SPATA16: variants seen among roughly 807,000 people sequenced by gnomAD.
The protein encoded by SPATA16 is spermatogenesis associated 16, also known as spermatogenesis-associated protein 16.
In SPATA16, 36 loss-of-function variants were observed where a neutral mutation model predicts 63.3. The ratio of observed to expected loss-of-function variants is 0.57; its 90% confidence interval spans 0.44 to 0.75. The LOEUF (loss-of-function observed/expected upper bound fraction) is 0.75, where lower values mean the gene tolerates loss of function less well. Ranked by LOEUF, SPATA16 falls within the 30% of genes least tolerant of loss-of-function variation. The pLI is 0.00. For missense variants in SPATA16, 646 were observed against 679.3 expected (o/e 0.95, Z 0.54); for synonymous variants, 203 against 216.7 (o/e 0.94, Z 0.56).
intron 4 of SPATA16, among the ~76,000 whole-genome samples, chr3:172,992,712 A>G (rs1734607535): frequency 6.6e-6 from 1 of 152,140 alleles, no homozygotes; most frequent in Non-Finnish European, 1.5e-5. Flanking sequence ...TGCCCTGGGC[A>G]TGATCAAAGA....
chr3:172,999,041 C>T (rs546072346), intron 4 of SPATA16, among the ~76,000 whole-genome samples: 12 of 151,902 alleles, frequency 7.9e-5, no homozygotes, highest in South Asian at 4.2e-4. Context: ...ATTAGGATGA[C>T]GACAGCCTCA....
At chr3:172,891,747 C>G (rs144204751) in intron 10 of SPATA16, among the ~76,000 whole-genome samples, 189 of 152,208 alleles carry the variant, frequency 1.2e-3, no homozygotes, top group African/African-American at 4.5e-3. Context: ...TATGCCCCCT[C>G]GATCTTCCTA....
intron 6 of SPATA16, among the ~76,000 whole-genome samples, chr3:172,927,801 ACTCT>A (rs540135253): frequency 9.9e-5 from 15 of 152,144 alleles, no homozygotes; most frequent in South Asian, 2.1e-4. Flanking sequence ...GCCAGTAAAC[ACTCT>A]CTATCTAGAA....
intron 2 of SPATA16, 73 bp from the exon 3 acceptor site, chr3:173,049,167 G>A (rs1354814098): frequency 3.4e-6 from 5 of 1,467,176 alleles, no homozygotes; most frequent in African/African-American, 1.4e-5. Context: ...AGCAAAACAT[G>A]TGTATGTTTT....
chr3:172,912,485 C>T (rs1447114237), intron 10 of SPATA16, among the ~76,000 whole-genome samples: 1 of 151,986 alleles, frequency 6.6e-6, no homozygotes, highest in Non-Finnish European at 1.5e-5. Context: ...TCTTGAGCAA[C>T]ATGGGTTTGA....
chr3:172,979,433 A>G (rs1734247189), intron 4 of SPATA16, among the ~76,000 whole-genome samples: 1 of 152,222 alleles, frequency 6.6e-6, no homozygotes, highest in Non-Finnish European at 1.5e-5. Context: ...GATCATAGAC[A>G]CAGTGGCTTG....
intron 8 of SPATA16, among the ~76,000 whole-genome samples, chr3:172,922,756 A>G (rs1732639831): frequency 6.6e-6 from 1 of 152,150 alleles, no homozygotes; most frequent in Non-Finnish European, 1.5e-5. Flanking sequence ...CCCTGTCTCT[A>G]CTAAAAATAC....
At chr3:172,942,223 A>T (rs1733168427) in intron 6 of SPATA16, among the ~76,000 whole-genome samples, 1 of 152,166 alleles carries the variant, frequency 6.6e-6, no homozygotes, top group Non-Finnish European at 1.5e-5. Flanking sequence ...TCAATCAATC[A>T]ACTCAGGAAT....
chr3:173,107,654 G>T (rs1373340371), intron 2 of SPATA16, among the ~76,000 whole-genome samples: 2 of 152,092 alleles, frequency 1.3e-5, no homozygotes, highest in African/African-American at 4.8e-5. Context: ...AAAAGCAATT[G>T]CAACTTCACT....
intron 10 of SPATA16, among the ~76,000 whole-genome samples, chr3:172,904,664 C>A (rs1372659102): frequency 6.6e-6 from 1 of 152,176 alleles, no homozygotes; most frequent in African/African-American, 2.4e-5. Context: ...ACCTATTAAC[C>A]TTATACTTTT....
chr3:173,099,091 A>G (rs114784716), intron 2 of SPATA16, among the ~76,000 whole-genome samples: 1 of 152,176 alleles, frequency 6.6e-6, no homozygotes, highest in African/African-American at 2.4e-5. Flanking sequence ...GAAGTAGATA[A>G]TCCTCCTTCT....
At chr3:173,058,507 A>T (rs1736303457) in intron 2 of SPATA16, among the ~76,000 whole-genome samples, 1 of 152,112 alleles carries the variant, frequency 6.6e-6, no homozygotes, top group South Asian at 2.1e-4. Flanking sequence ...CTCTCCAGAA[A>T]AGTTTTACAC....
chr3:172,961,813 G>A (rs1733793395), intron 5 of SPATA16, among the ~76,000 whole-genome samples: 1 of 152,112 alleles, frequency 6.6e-6, no homozygotes, highest in Non-Finnish European at 1.5e-5. Flanking sequence ...CACATAATAG[G>A]CATTTTCCAG....
At chr3:173,065,590 GGAGAGCAGTATTAAA>G (rs1736499774) in intron 2 of SPATA16, among the ~76,000 whole-genome samples, 1 of 152,192 alleles carries the variant, frequency 6.6e-6, no homozygotes, top group Non-Finnish European at 1.5e-5. Context: ...ACAGTATCAT[GGAGAGCAGTATTAAA>G]GAGGGCAGAA....
At chr3:172,954,961 C>G (rs1733536245) in intron 6 of SPATA16, among the ~76,000 whole-genome samples, 1 of 152,278 alleles carries the variant, frequency 6.6e-6, no homozygotes, top group East Asian at 1.9e-4. Flanking sequence ...CTAGCATACT[C>G]TAGCAGTTTG....
chr3:173,095,153 A>G lies in SPATA16; in HGVS notation c.612+21967T>C, dbSNP rs1338940231. 6.8e-4 allele frequency among the ~76,000 whole-genome samples: 103 copies of G among 152,070 alleles called. 1 individual carries two copies. Among genetic ancestry groups the G allele is most frequent in the Admixed American group, 6.8e-3 (103 of 15,256 alleles). On this transcript the variant is annotated intron_variant, in intron 2 of 10. Transcript: ENST00000351008. Reference sequence around the variant, plus strand: ...GGCTTCTTAGAGCCTTAGTTTCCTCATTTGCAAAATGAGGCTAATGGTCGA... The same window carrying G: ...GGCTTCTTAGAGCCTTAGTTTCCTCGTTTGCAAAATGAGGCTAATGGTCGA...
chr3:172,935,871 T>C (rs1413718258), intron 6 of SPATA16, among the ~76,000 whole-genome samples: 8 of 152,142 alleles, frequency 5.3e-5, no homozygotes, highest in Non-Finnish European at 1.2e-4. Flanking sequence ...TGTCTAGGAA[T>C]AAACTGCTCT....
chr3:173,134,459 G>A (rs114762827), intron 1 of SPATA16, among the ~76,000 whole-genome samples: 219 of 151,830 alleles, frequency 1.4e-3, no homozygotes, highest in Non-Finnish European at 2.7e-3. Context: ...ACTGCACTCC[G>A]GCCTGGGTGA....
intron 2 of SPATA16, among the ~76,000 whole-genome samples, chr3:173,077,066 G>T (rs1252497692): frequency 3.9e-5 from 6 of 152,116 alleles, no homozygotes. Context: ...AATTTGGGTG[G>T]CCAGTCTCCC....
Sources: gnomAD v4.1 joint callset for allele counts (sites outside exome capture counted in the v4.1 genomes callset) on GRCh38, gnomAD v4.1.1 for gene constraint, MANE v1.5 for transcripts, NCBI Gene and HGNC (gene_info 2026-07-23, HGNC 2026-07-21) for gene names.